The following SLC35F1 variants were observed in gnomAD, a reference collection of about 807,000 sequenced individuals.
SLC35F1 encodes the protein solute carrier family 35 member F1.
In SLC35F1, 14 loss-of-function variants were observed where a neutral mutation model predicts 48.7. The observed-to-expected ratio is 0.29, with a 90% CI of 0.19 to 0.45. The LOEUF (loss-of-function observed/expected upper bound fraction) is 0.45, where lower values mean the gene tolerates loss of function less well. Among genes scored for constraint, SLC35F1 ranks in the 20% least tolerant of loss-of-function variants. The pLI is 1.00. For missense variants in SLC35F1, 404 were observed against 500.0 expected, an observed-to-expected ratio of 0.81 and a Z score of 1.83; for synonymous variants, 190 against 202.2, an observed-to-expected ratio of 0.94 and a Z score of 0.51.
intron 1 of SLC35F1, among the ~76,000 whole-genome samples, chr6:118,088,124 T>C (rs1773018416): frequency 6.6e-6 from 1 of 152,216 alleles, no homozygotes; most frequent in African/African-American, 2.4e-5. Flanking sequence ...ACTTTAATAG[T>C]TACTTAAAGT....
chr6:117,925,915 C>T (rs1041924021), intron 1 of SLC35F1, among the ~76,000 whole-genome samples: 1 of 152,198 alleles, frequency 6.6e-6, no homozygotes, highest in African/African-American at 2.4e-5. Flanking sequence ...AAGGCCCCCA[C>T]TCCATGTCAT....
At chr6:118,207,717 T>A (rs1185137069) in intron 2 of SLC35F1, among the ~76,000 whole-genome samples, 1 of 152,200 alleles carries the variant, frequency 6.6e-6, no homozygotes, top group East Asian at 1.9e-4. Flanking sequence ...TGAGACCTCG[T>A]CTGACTTCAA....
chr6:118,168,626 A>C (rs866636740), intron 2 of SLC35F1, among the ~76,000 whole-genome samples: 10 of 152,142 alleles, frequency 6.6e-5, no homozygotes, highest in African/African-American at 2.4e-4. Flanking sequence ...AAGACTCTTA[A>C]CTGTCTCGTC....
At position 118,098,826 on chromosome 6, in the gene SLC35F1, T is replaced by A. The variant is rs557595469; in HGVS notation, c.174-55619T>A. 7.9e-4 allele frequency among the ~76,000 whole-genome samples: 120 copies of A among 152,288 alleles called. No homozygotes were observed. The East Asian group carries it at 0.012, about 15-fold the overall frequency. ...GATAAGACTTTTAACGTATTTATTT[T>A]TATATATATTTTATTTTATTAGTAA... On this transcript the variant is annotated intron_variant, in intron 1 of 7. Coordinates refer to ENST00000360388, the MANE Select transcript of SLC35F1 (RefSeq NM_001029858.4).
At chr6:117,947,005 T>G (rs902144046) in intron 1 of SLC35F1, among the ~76,000 whole-genome samples, 2 of 152,140 alleles carry the variant, frequency 1.3e-5, no homozygotes, top group African/African-American at 4.8e-5. Flanking sequence ...TTACATCCAT[T>G]TGGGGGAAGA....
intron 1 of SLC35F1, among the ~76,000 whole-genome samples, chr6:118,005,459 A>G (rs1777161737): frequency 6.6e-6 from 1 of 152,056 alleles, no homozygotes; most frequent in South Asian, 2.1e-4. Context: ...TACCCTTTTA[A>G]TTCATCCTTT....
At chr6:117,992,463 C>T (rs1296427954) in intron 1 of SLC35F1, among the ~76,000 whole-genome samples, 2 of 152,164 alleles carry the variant, frequency 1.3e-5, no homozygotes, top group African/African-American at 2.4e-5. Flanking sequence ...TGTCCTTCTT[C>T]GCCTCTTGTC....
intron 2 of SLC35F1, among the ~76,000 whole-genome samples, chr6:118,223,231 A>G (rs2114566068): frequency 6.6e-6 from 1 of 152,370 alleles, no homozygotes; most frequent in East Asian, 1.9e-4. Flanking sequence ...ATAAAAAGCC[A>G]GGAGAGACCT....
intron 2 of SLC35F1, among the ~76,000 whole-genome samples, chr6:118,209,716 T>A (rs1774979127): frequency 6.6e-6 from 1 of 152,110 alleles, no homozygotes; most frequent in Admixed American, 6.5e-5. Context: ...GTTTTAATAA[T>A]TGCTAAAAAA....
At chr6:118,016,433 C>T (rs1451949483) in intron 1 of SLC35F1, among the ~76,000 whole-genome samples, 1 of 152,112 alleles carries the variant, frequency 6.6e-6, no homozygotes, top group Non-Finnish European at 1.5e-5. Flanking sequence ...TAAAGAAAGG[C>T]CAAGAAATCT....
intron 1 of SLC35F1, among the ~76,000 whole-genome samples, chr6:117,972,759 C>T (rs1776659118): frequency 6.6e-6 from 1 of 152,122 alleles, no homozygotes; most frequent in African/African-American, 2.4e-5. Context: ...CCTCCCATGA[C>T]ATGTGAGGAT....
intron 1 of SLC35F1, among the ~76,000 whole-genome samples, chr6:118,006,236 T>C (rs936084087): frequency 1.3e-5 from 2 of 152,124 alleles, no homozygotes; most frequent in Non-Finnish European, 2.9e-5. Flanking sequence ...CCTAATTGAG[T>C]GGCATAATCA....
intron 1 of SLC35F1, among the ~76,000 whole-genome samples, chr6:117,964,932 C>G (rs557516144): frequency 6.6e-6 from 1 of 152,260 alleles, no homozygotes; most frequent in South Asian, 2.1e-4. Flanking sequence ...ATAAATGTAA[C>G]TACATGCAGG....
intron 7 of SLC35F1, among the ~76,000 whole-genome samples, chr6:118,305,489 G>T (rs1165856863): frequency 6.6e-6 from 1 of 152,046 alleles, no homozygotes; most frequent in Non-Finnish European, 1.5e-5. Flanking sequence ...AATTTCACAT[G>T]TCTTTTAAAT....
intron 2 of SLC35F1, among the ~76,000 whole-genome samples, chr6:118,217,519 G>T (rs1325001522): frequency 6.6e-6 from 1 of 152,110 alleles, no homozygotes; most frequent in Non-Finnish European, 1.5e-5. Flanking sequence ...TTAGAATGGG[G>T]TCATGAAAAG....
At chr6:117,958,376 C>T (rs558378548) in intron 1 of SLC35F1, among the ~76,000 whole-genome samples, 13 of 152,214 alleles carry the variant, frequency 8.5e-5, no homozygotes, top group African/African-American at 1.9e-4. Flanking sequence ...AAATGAATCA[C>T]GCTTATGGTC....
At chr6:118,181,833 T>G (rs538774237) in intron 2 of SLC35F1, among the ~76,000 whole-genome samples, 1 of 152,276 alleles carries the variant, frequency 6.6e-6, no homozygotes, top group African/African-American at 2.4e-5. Context: ...TGTTACTTAG[T>G]GATAAGACTC....
intron 2 of SLC35F1, among the ~76,000 whole-genome samples, chr6:118,172,173 A>AG (rs1257580162): frequency 6.6e-6 from 1 of 152,018 alleles, no homozygotes; most frequent in Non-Finnish European, 1.5e-5. Context: ...AAAAAAAAAA[A>AG]GACGATTCTT....
intron 1 of SLC35F1, among the ~76,000 whole-genome samples, chr6:117,913,789 C>T (rs1775791895): frequency 6.6e-6 from 1 of 152,130 alleles, no homozygotes. Context: ...CGGTGGCTCA[C>T]AACTGTAATC....
Sources: gnomAD v4.1 joint callset for allele counts (sites outside exome capture counted in the v4.1 genomes callset) on GRCh38, gnomAD v4.1.1 for gene constraint, MANE v1.5 for transcripts, NCBI Gene and HGNC (gene_info 2026-07-23, HGNC 2026-07-21) for gene names.